GRID2: variants seen among roughly 807,000 people sequenced by gnomAD.
GRID2 encodes the protein glutamate receptor ionotropic, delta-2.
Under a neutral mutation model 114.8 loss-of-function variants are expected in GRID2, and 33 were observed. The ratio of observed to expected loss-of-function variants is 0.29; its 90% CI spans 0.22 to 0.38. The LOEUF (loss-of-function observed/expected upper bound fraction) is 0.38, where lower values mean the gene tolerates loss of function less well. Ranked by LOEUF, GRID2 falls within the 10% of genes least tolerant of loss-of-function variation. The pLI, the probability that GRID2 is intolerant of heterozygous loss-of-function variation, is 1.00. For missense variants in GRID2, 1,184 were observed against 1,257.7 expected, an observed-to-expected ratio of 0.94 and a Z score of 0.89; for synonymous variants, 505 against 449.9, an observed-to-expected ratio of 1.12 and a Z score of -1.55.
intron 14 of GRID2, among the ~76,000 whole-genome samples, chr4:93,627,837 G>A (rs1742862616): frequency 6.6e-6 from 1 of 152,164 alleles, no homozygotes; most frequent in South Asian, 2.1e-4. Context: ...AAAATCAATA[G>A]AGTGGGTAAA....
intron 2 of GRID2, among the ~76,000 whole-genome samples, chr4:92,829,379 A>G (rs190020487): frequency 3.4e-4 from 52 of 152,300 alleles, no homozygotes; most frequent in South Asian, 1.4e-3. Context: ...AATCAAAACC[A>G]CAACAGGATA....
intron 5 of GRID2, among the ~76,000 whole-genome samples, chr4:93,208,970 C>T (rs975129660): frequency 7.9e-5 from 12 of 152,048 alleles, no homozygotes; most frequent in African/African-American, 2.9e-4. Flanking sequence ...CAATTTTTCT[C>T]CAAGGAAACT....
intron 14 of GRID2, among the ~76,000 whole-genome samples, chr4:93,767,653 G>A (rs963026691): frequency 6.6e-6 from 1 of 152,098 alleles, no homozygotes; most frequent in African/African-American, 2.4e-5. Context: ...TCTCACTCTA[G>A]TTTAACTCAG....
chr4:93,195,504 A>G (rs1304906023), intron 4 of GRID2, among the ~76,000 whole-genome samples: 2 of 152,184 alleles, frequency 1.3e-5, no homozygotes, highest in Non-Finnish European at 2.9e-5. Flanking sequence ...AACATATGCC[A>G]TATTCCAGGT....
At chr4:92,949,196 C>T (rs573703826) in intron 2 of GRID2, among the ~76,000 whole-genome samples, 28 of 151,118 alleles carry the variant, frequency 1.9e-4, no homozygotes, top group Admixed American at 1.1e-3. Flanking sequence ...GAGTATTTAA[C>T]GAGTAGCTTC....
At position 93,224,684 on chromosome 4, in the gene GRID2, G is replaced by A. The variant is rs1383722822; in HGVS notation, c.1034G>A (p.Arg345Gln). 1 of 1,611,702 alleles carries A rather than the reference G, an allele frequency of 6.2e-7. No individual in the cohort carries two copies. The highest frequency in any genetic ancestry group is 8.5e-7 in the Non-Finnish European group (1 of 1,178,130). Residue 345 changes from arginine to glutamine, a missense_variant, in exon 7 of 16, where the codon CGA becomes CAA. This residue lies in a region of GRID2 where 12 missense variants were observed against 31.3 expected (regional missense o/e 0.38). Transcript: ENST00000282020. The part of the protein sequence containing the change: ...ANAFHKKLED[R>Q]KWHSMASLSC... ...GCTTTTCATAAGAAGCTGGAGGACC[G>A]AAAGTGGCACAGCATGGCAAGTCTG...
chr4:92,639,029 A>G (rs1248880599), intron 2 of GRID2, among the ~76,000 whole-genome samples: 1 of 151,386 alleles, frequency 6.6e-6, no homozygotes, highest in Non-Finnish European at 1.5e-5. Flanking sequence ...TCCATGCTTC[A>G]GTATTATTTT....
intron 2 of GRID2, among the ~76,000 whole-genome samples, chr4:92,837,477 T>TAA (rs76387998): frequency 1.1e-3 from 135 of 128,034 alleles, no homozygotes; most frequent in African/African-American, 3.7e-3. Flanking sequence ...CCCTTCAGGT[T>TAA]AAAAAAAAAA....
At chr4:93,213,495 C>G (rs756624752) in intron 5 of GRID2, among the ~76,000 whole-genome samples, 2 of 152,034 alleles carry the variant, frequency 1.3e-5, no homozygotes, top group African/African-American at 2.4e-5. Flanking sequence ...ACCATTCATT[C>G]ATTAAATAAA....
At chr4:92,970,583 T>G (rs2149170354) in intron 2 of GRID2, among the ~76,000 whole-genome samples, 1 of 152,132 alleles carries the variant, frequency 6.6e-6, no homozygotes, top group South Asian at 2.1e-4. Flanking sequence ...ACATAAATTC[T>G]GAGAGCACAT....
chr4:93,033,180 A>C (rs756817601), intron 2 of GRID2, among the ~76,000 whole-genome samples: 1 of 152,168 alleles, frequency 6.6e-6, no homozygotes, highest in Non-Finnish European at 1.5e-5. Context: ...CACAGTTCAC[A>C]CAAGACCACC....
rs183787185 is a variant in GRID2 at position 92,767,038 on chromosome 4, C to T, written c.244+176752C>T. On this transcript the variant is annotated intron_variant, in intron 2 of 15. Coordinates refer to ENST00000282020, the MANE Select transcript of GRID2 (RefSeq NM_001510.4). ...ACCTTCCCTTGGAGCTATGCAAAGT[C>T]ATATGACTAAATTTTGGTCAATGGG... 1.6e-3 allele frequency among the ~76,000 whole-genome samples: 246 copies of T among 152,292 alleles called. 1 individual carries two copies. The highest frequency in any genetic ancestry group is 5.8e-3 in the African/African-American group (240 of 41,562).
intron 14 of GRID2, among the ~76,000 whole-genome samples, chr4:93,654,790 G>C (rs1180363247): frequency 6.6e-6 from 1 of 152,106 alleles, no homozygotes; most frequent in African/African-American, 2.4e-5. Context: ...CACTGCCCCA[G>C]TGTCAGTGAG....
At chr4:93,734,775 T>C (rs935200609) in intron 14 of GRID2, among the ~76,000 whole-genome samples, 2 of 151,988 alleles carry the variant, frequency 1.3e-5, no homozygotes, top group African/African-American at 4.8e-5. Context: ...TAAAATTTTT[T>C]AAGGCAAATT....
At chr4:93,403,192 C>T (rs1210190322) in intron 9 of GRID2, among the ~76,000 whole-genome samples, 1 of 152,114 alleles carries the variant, frequency 6.6e-6, no homozygotes, top group African/African-American at 2.4e-5. Flanking sequence ...AGAATGACAA[C>T]TCTGGCTGAG....
At chr4:93,561,800 G>A (rs1734952535) in intron 13 of GRID2, among the ~76,000 whole-genome samples, 1 of 152,016 alleles carries the variant, frequency 6.6e-6, no homozygotes. Context: ...CTTGGGATTG[G>A]CTTCTTTCAC....
intron 2 of GRID2, among the ~76,000 whole-genome samples, chr4:92,759,426 G>A (rs1162115733): frequency 1.3e-5 from 2 of 151,542 alleles, no homozygotes; most frequent in African/African-American, 4.9e-5. Flanking sequence ...CATATTTAAG[G>A]CCTAATTCAA....
intron 14 of GRID2, among the ~76,000 whole-genome samples, chr4:93,631,428 A>G (rs1720856598): frequency 6.6e-6 from 1 of 151,960 alleles, no homozygotes; most frequent in African/African-American, 2.4e-5. Context: ...AAGTGTTCTC[A>G]TTGTTCAATT....
chr4:92,931,289 T>C (rs1046330646), intron 2 of GRID2, among the ~76,000 whole-genome samples: 1 of 150,994 alleles, frequency 6.6e-6, no homozygotes, highest in Non-Finnish European at 1.5e-5. Context: ...ATGACACTCA[T>C]TTATGTTTTA....
Sources: gnomAD v4.1 joint callset for allele counts (sites outside exome capture counted in the v4.1 genomes callset) on GRCh38, gnomAD v4.1.1 for gene constraint, gnomAD v4.1.1 regional missense constraint, MANE v1.5 for transcripts, NCBI Gene and HGNC (gene_info 2026-07-23, HGNC 2026-07-21) for gene names.